The following DRC11 variants were observed in gnomAD, a reference collection of about 807,000 sequenced individuals.
DRC11 encodes IQ and AAA domain-containing protein 1.
the DRC11 span, among the ~76,000 whole-genome samples, chr2:236,341,721 T>TC: frequency 3.3e-5 from 5 of 152,132 alleles, no homozygotes; most frequent in East Asian, 3.9e-4. Context: ...GCTGGTGGTT[T>TC]CCCCCCCATG....
the DRC11 span, among the ~76,000 whole-genome samples, chr2:236,484,838 C>T: frequency 6.6e-6 from 1 of 152,312 alleles, no homozygotes; most frequent in East Asian, 1.9e-4. Flanking sequence ...GGGCACTGTG[C>T]TGTAGGCGGA....
the DRC11 span, among the ~76,000 whole-genome samples, chr2:236,406,115 G>A: frequency 6.6e-6 from 1 of 152,274 alleles, no homozygotes; most frequent in African/African-American, 2.4e-5. This position sits in a 1 kb window ranked among gnomAD's most constrained non-coding sequence, Gnocchi z 4.7. Context: ...CATGGAGAAC[G>A]TTTCTAAAGT....
chr2:236,418,041 G>C, the DRC11 span, among the ~76,000 whole-genome samples: 3 of 152,122 alleles, frequency 2.0e-5, no homozygotes, highest in African/African-American at 7.2e-5. Context: ...GTAAACACAC[G>C]TGTGCATGTG....
chr2:236,506,695 C>T, the DRC11 span, among the ~76,000 whole-genome samples: 1 of 152,174 alleles, frequency 6.6e-6, no homozygotes, highest in African/African-American at 2.4e-5. This position sits in a 1 kb window ranked among gnomAD's most constrained non-coding sequence, Gnocchi z 4.9. Flanking sequence ...ACAGGGTCAG[C>T]GCTGTAATAC....
the DRC11 span, among the ~76,000 whole-genome samples, chr2:236,339,785 T>C: frequency 1.4e-4 from 21 of 152,356 alleles, no homozygotes; most frequent in South Asian, 2.7e-3. Context: ...AAGTCCACAC[T>C]GTCTTGATTG....
the DRC11 span, among the ~76,000 whole-genome samples, chr2:236,394,044 A>G: frequency 1.7e-4 from 26 of 152,246 alleles, no homozygotes; most frequent in Admixed American, 3.3e-4. This position sits in a 1 kb window ranked among gnomAD's most constrained non-coding sequence, Gnocchi z 7.0. Flanking sequence ...AAATAAATAT[A>G]TACAGTTCCA....
the DRC11 span, among the ~76,000 whole-genome samples, chr2:236,503,162 C>A: frequency 2.7e-4 from 41 of 152,162 alleles, no homozygotes; most frequent in Non-Finnish European, 4.3e-4. The surrounding 1 kb of genome is among the most constrained non-coding windows in gnomAD (Gnocchi z 4.9). Flanking sequence ...TAAGTTTGTA[C>A]AATACCCTGA....
At chr2:236,451,680 G>A in the DRC11 span, among the ~76,000 whole-genome samples, 1 of 152,224 alleles carries the variant, frequency 6.6e-6, no homozygotes, top group Non-Finnish European at 1.5e-5. Context: ...ACGCCACGCT[G>A]TGGGTGTGAA....
At chr2:236,503,542 G>T in the DRC11 span, 1 of 1,248,874 alleles carries the variant, frequency 8.0e-7, no homozygotes, top group Non-Finnish European at 1.1e-6. This position sits in a 1 kb window ranked among gnomAD's most constrained non-coding sequence, Gnocchi z 4.9. Context: ...TCTGTCTGGG[G>T]AATCCCTGTC....
the DRC11 span, chr2:236,331,490 C>G: frequency 6.2e-7 from 1 of 1,613,972 alleles, no homozygotes; most frequent in African/African-American, 1.3e-5. The surrounding 1 kb of genome is among the most constrained non-coding windows in gnomAD (Gnocchi z 4.8). Context: ...TTAACCACTT[C>G]GACTATATGT....
At chr2:236,310,118 C>G in the DRC11 span, among the ~76,000 whole-genome samples, 2 of 152,154 alleles carry the variant, frequency 1.3e-5, no homozygotes, top group African/African-American at 2.4e-5. This position sits in a 1 kb window ranked among gnomAD's most constrained non-coding sequence, Gnocchi z 5.5. Context: ...ACTGCTAAGC[C>G]TAGGAGGACA....
At chr2:236,483,800 G>C in the DRC11 span, among the ~76,000 whole-genome samples, 3 of 152,152 alleles carry the variant, frequency 2.0e-5, no homozygotes, top group Non-Finnish European at 4.4e-5. This position sits in a 1 kb window ranked among gnomAD's most constrained non-coding sequence, Gnocchi z 4.8. Context: ...GCAATATCCT[G>C]AAAATTGAAC....
the DRC11 span, chr2:236,408,374 G>T: frequency 1.3e-6 from 1 of 754,114 alleles, no homozygotes; most frequent in East Asian, 2.5e-5. This position sits in a 1 kb window ranked among gnomAD's most constrained non-coding sequence, Gnocchi z 5.5. Flanking sequence ...GTGTGTCAAT[G>T]ACTTGTGACC....
At chr2:236,327,313 G>A in the DRC11 span, among the ~76,000 whole-genome samples, 3 of 151,912 alleles carry the variant, frequency 2.0e-5, no homozygotes, top group East Asian at 2.0e-4. Flanking sequence ...CTGGAGTGCA[G>A]TGGCACGATC....
the DRC11 span, among the ~76,000 whole-genome samples, chr2:236,464,759 G>T: frequency 2.2e-4 from 34 of 151,992 alleles, no homozygotes; most frequent in African/African-American, 7.7e-4. Flanking sequence ...CTCATGGCCT[G>T]GTGCTGTCCT....
the DRC11 span, among the ~76,000 whole-genome samples, chr2:236,468,775 T>C: frequency 6.6e-6 from 1 of 152,256 alleles, no homozygotes; most frequent in Non-Finnish European, 1.5e-5. Flanking sequence ...ATATCTGCAA[T>C]AAATGACTCA....
the DRC11 span, among the ~76,000 whole-genome samples, chr2:236,321,200 G>A: frequency 1.3e-5 from 2 of 151,936 alleles, no homozygotes; most frequent in Non-Finnish European, 1.5e-5. Context: ...GACTATGTAA[G>A]GGCACTTATT....
At chr2:236,416,731 A>ATATATATATATATATATATATATATT in the DRC11 span, among the ~76,000 whole-genome samples, 1 of 43,000 alleles carries the variant, frequency 2.3e-5, no homozygotes, top group East Asian at 6.9e-4. Context: ...TTATATATAT[A>ATATATATATATATATATATATATATT]TATATATATA....
the DRC11 span, among the ~76,000 whole-genome samples, chr2:236,457,489 G>A: frequency 6.6e-6 from 1 of 152,212 alleles, no homozygotes; most frequent in Admixed American, 6.5e-5. The surrounding 1 kb of genome is among the most constrained non-coding windows in gnomAD (Gnocchi z 4.7). Flanking sequence ...ATCTCATAGA[G>A]CTGTTGAGAG....
Sources: gnomAD v4.1 joint callset for allele counts (sites outside exome capture counted in the v4.1 genomes callset) on GRCh38, gnomAD v4.1.1 for gene constraint, Gnocchi (gnomAD v3.1) non-coding constraint, MANE v1.5 for transcripts, NCBI Gene and HGNC (gene_info 2026-07-23, HGNC 2026-07-21) for gene names.